Variants in RAD51B observed in about 807,000 individuals in gnomAD.
RAD51B encodes RAD51 paralog B.
Under a neutral mutation model 42.2 loss-of-function variants are expected in RAD51B, and 38 were observed. That is an observed-to-expected ratio of 0.90 (90% CI 0.70 to 1.18). The LOEUF is 1.18. Ranked by LOEUF, RAD51B falls within the 50% of genes most tolerant of loss-of-function variation. The pLI is 0.00. For synonymous variants in RAD51B, 154 were observed against 145.2 expected, an observed-to-expected ratio of 1.06 and a Z score of -0.43; for missense variants, 373 against 400.7, an observed-to-expected ratio of 0.93 and a Z score of 0.59.
intron 8 of RAD51B, among the ~76,000 whole-genome samples, chr14:68,405,314 T>C (rs550007294): frequency 6.6e-6 from 1 of 152,300 alleles, no homozygotes; most frequent in East Asian, 1.9e-4. Flanking sequence ...CATTGTGGCA[T>C]GTGCCTGTGG....
intron 7 of RAD51B, among the ~76,000 whole-genome samples, chr14:68,273,076 G>T (rs1476715067): frequency 2.6e-5 from 4 of 152,074 alleles, no homozygotes; most frequent in African/African-American, 9.7e-5. Flanking sequence ...GAATATCTTT[G>T]CTTGAAAAGA....
chr14:68,044,929 C>T (rs1292840586), intron 7 of RAD51B, among the ~76,000 whole-genome samples: 2 of 152,010 alleles, frequency 1.3e-5, no homozygotes, highest in Non-Finnish European at 2.9e-5. Context: ...GAGTCTGATG[C>T]TATTACGTTT....
chr14:67,984,669 A>G (rs2075152189), intron 7 of RAD51B, among the ~76,000 whole-genome samples: 1 of 152,158 alleles, frequency 6.6e-6, no homozygotes, highest in Admixed American at 6.5e-5. Flanking sequence ...CACATAAACC[A>G]CATCAGCATA....
intron 7 of RAD51B, among the ~76,000 whole-genome samples, chr14:68,183,238 C>CA (rs2079088625): frequency 6.6e-6 from 1 of 152,178 alleles, no homozygotes; most frequent in South Asian, 2.1e-4. Context: ...ACCAACAGTG[C>CA]AGCTTTCAGT....
chr14:68,472,782 A>G (rs1053946154), intron 10 of RAD51B, among the ~76,000 whole-genome samples: 2 of 152,228 alleles, frequency 1.3e-5, no homozygotes, highest in African/African-American at 2.4e-5. Context: ...TTAGTTTCCC[A>G]TATCTCCAAC....
intron 4 of RAD51B, among the ~76,000 whole-genome samples, chr14:67,860,181 G>T (rs1205513253): frequency 6.6e-6 from 1 of 152,138 alleles, no homozygotes; most frequent in African/African-American, 2.4e-5. Flanking sequence ...CTTTGAAGAT[G>T]ATTTGAATCA....
chr14:68,423,498 C>T (rs1445034026), intron 9 of RAD51B, among the ~76,000 whole-genome samples: 4 of 152,158 alleles, frequency 2.6e-5, no homozygotes, highest in African/African-American at 7.2e-5. Flanking sequence ...GCACATTGAA[C>T]GTTATGGAGT....
rs534725400 is a variant in RAD51B, at chr14:67,954,219, G to A, written c.756+67015G>A. On this transcript the variant is annotated intron_variant, in intron 7 of 10. Transcript: ENST00000471583. Reference sequence around the variant, plus strand: ...CTGATAATCCACAGAATGATATGAGGGATCAGAGGCTTACATTCTCAATGC... The same window carrying A: ...CTGATAATCCACAGAATGATATGAGAGATCAGAGGCTTACATTCTCAATGC... Among the ~76,000 whole-genome samples, 5 of 152,202 alleles carry A rather than the reference G, an allele frequency of 3.3e-5. 1 individual carries two copies. The South Asian group carries it at 1.0e-3, about 32-fold the overall frequency.
intron 5 of RAD51B, among the ~76,000 whole-genome samples, chr14:67,871,063 A>G (rs1394075854): frequency 1.3e-5 from 2 of 152,196 alleles, no homozygotes; most frequent in Non-Finnish European, 2.9e-5. Context: ...AAAAGCTAGC[A>G]GAAGGCAGGA....
rs1249196409 is a variant in RAD51B, at chr14:67,937,513, T to TC, written c.756+50309_756+50310insC. On this transcript the variant is annotated intron_variant, in intron 7 of 10. Coordinates refer to ENST00000471583, the MANE Select transcript of RAD51B (RefSeq NM_133510.4). ...ATTAACATCATGTGCCGCAGGCTGT[T>TC]TCTTTCTTTTACTCTAGGTATAGTG... 8.1e-4 allele frequency among the ~76,000 whole-genome samples: 123 copies of TC among 152,354 alleles called. 1 individual carries two copies. The highest frequency in any genetic ancestry group is 2.9e-3 in the African/African-American group (121 of 41,584).
rs573169400 is a variant in RAD51B at position 68,142,281 on chromosome 14, T to TA, written c.757-149602dup. Among the ~76,000 whole-genome samples the TA allele has an allele frequency of 3.4e-3, 518 of 152,316 alleles. 2 individuals are homozygous for TA. Among genetic ancestry groups the TA allele is most frequent in the Non-Finnish European group, 4.9e-3 (334 of 68,024 alleles). On this transcript the variant is annotated intron_variant, in intron 7 of 10. Transcript: ENST00000471583. ...ACATGCAGATTGATTTACATCTACC[T>TA]ACCCCTCCACTCTCAAACTCCTTTT...
At chr14:68,569,569 C>T (rs569979462) in intron 10 of RAD51B, among the ~76,000 whole-genome samples, 1 of 152,206 alleles carries the variant, frequency 6.6e-6, no homozygotes, top group Non-Finnish European at 1.5e-5. Context: ...AAAGAAAAGT[C>T]CTGAATAGCT....
At chr14:67,920,926 A>G (rs1170700316) in intron 7 of RAD51B, among the ~76,000 whole-genome samples, 1 of 152,220 alleles carries the variant, frequency 6.6e-6, no homozygotes, top group Non-Finnish European at 1.5e-5. Flanking sequence ...AAAGAAATGG[A>G]GATAGAGAAC....
At chr14:67,996,280 C>T (rs1183980976) in intron 7 of RAD51B, among the ~76,000 whole-genome samples, 1 of 151,902 alleles carries the variant, frequency 6.6e-6, no homozygotes, top group Non-Finnish European at 1.5e-5. Context: ...CCTTTGGTCC[C>T]AGCTACGTGG....
intron 10 of RAD51B, among the ~76,000 whole-genome samples, chr14:68,529,875 A>G (rs1887165733): frequency 6.6e-6 from 1 of 152,246 alleles, no homozygotes; most frequent in African/African-American, 2.4e-5. Flanking sequence ...AATAACATCT[A>G]CTTTAAAAAG....
intron 8 of RAD51B, among the ~76,000 whole-genome samples, chr14:68,305,907 C>T (rs1167557924): frequency 2.6e-5 from 4 of 152,180 alleles, no homozygotes; most frequent in South Asian, 2.1e-4. Context: ...CTGTTTTTCT[C>T]GGCCAGCTGT....
intron 10 of RAD51B, among the ~76,000 whole-genome samples, chr14:68,572,045 G>T (rs1169351232): frequency 6.6e-6 from 1 of 152,164 alleles, no homozygotes; most frequent in Non-Finnish European, 1.5e-5. Context: ...AAATTTGTTA[G>T]CTCACGGACC....
At chr14:67,904,340 G>A (rs2043709756) in intron 7 of RAD51B, among the ~76,000 whole-genome samples, 1 of 151,948 alleles carries the variant, frequency 6.6e-6, no homozygotes, top group African/African-American at 2.4e-5. Context: ...TTTCCACAAT[G>A]GCTAAACTTA....
intron 7 of RAD51B, among the ~76,000 whole-genome samples, chr14:67,895,783 CT>C (rs1303125018): frequency 2.6e-5 from 4 of 152,104 alleles, no homozygotes; most frequent in Non-Finnish European, 5.9e-5. Flanking sequence ...TGTCATTTCT[CT>C]TCTGTGCAGG....
Sources: gnomAD v4.1 joint callset for allele counts (sites outside exome capture counted in the v4.1 genomes callset) on GRCh38, gnomAD v4.1.1 for gene constraint, MANE v1.5 for transcripts, NCBI Gene and HGNC (gene_info 2026-07-23, HGNC 2026-07-21) for gene names.